DLC1: variants seen among roughly 807,000 people sequenced by gnomAD.
DLC1 encodes the protein DLC1 Rho GTPase activating protein.
A neutral mutation model predicts 140.3 loss-of-function variants in DLC1; 54 were observed. That is an observed-to-expected ratio of 0.38 (90% CI 0.31 to 0.48). DLC1 has a LOEUF of 0.48. Among genes scored for constraint, DLC1 ranks in the 20% least tolerant of loss-of-function variants. The probability of loss-of-function intolerance (pLI) is 0.96; values close to 1 mark genes in which losing one functional copy is unlikely to be tolerated. For missense variants in DLC1, 2,536 were observed against 1,907.0 expected (o/e 1.33, Z -6.14); for synonymous variants, 986 against 728.1 (o/e 1.35, Z -5.70).
At chr8:13,337,920 TA>T (rs1833875605) in intron 4 of DLC1, among the ~76,000 whole-genome samples, 1 of 152,206 alleles carries the variant, frequency 6.6e-6, no homozygotes, top group Admixed American at 6.5e-5. Flanking sequence ...AGGAATTGTA[TA>T]TGCAATTTAT....
At chr8:13,164,923 T>G (rs370299552) in intron 5 of DLC1, among the ~76,000 whole-genome samples, 2 of 152,218 alleles carry the variant, frequency 1.3e-5, no homozygotes, top group African/African-American at 4.8e-5. Flanking sequence ...TTTTCCATTT[T>G]CTGGAGGCTT....
intron 1 of DLC1, among the ~76,000 whole-genome samples, chr8:13,591,653 G>A (rs1362915231): frequency 2.6e-5 from 4 of 151,916 alleles, no homozygotes; most frequent in African/African-American, 4.8e-5. Flanking sequence ...TTTAATCTAG[G>A]CAAACAATGA....
At chr8:13,463,996 A>C (rs1041820187) in intron 2 of DLC1, among the ~76,000 whole-genome samples, 4 of 152,220 alleles carry the variant, frequency 2.6e-5, no homozygotes, top group Non-Finnish European at 4.4e-5. Context: ...AAATTTGAGC[A>C]CAGTGAAAAG....
intron 4 of DLC1, among the ~76,000 whole-genome samples, chr8:13,327,664 T>C (rs1671386): frequency 0.84 from 128,237 of 151,794 alleles, 54,782 homozygotes; most frequent in East Asian, 0.95. Context: ...TATCCATCCA[T>C]CCACTTGACA....
At chr8:13,337,532 G>T (rs1166108326) in intron 4 of DLC1, among the ~76,000 whole-genome samples, 1 of 152,114 alleles carries the variant, frequency 6.6e-6, no homozygotes, top group Non-Finnish European at 1.5e-5. Flanking sequence ...ATTGTAAATA[G>T]ATGGAAAAAT....
intron 5 of DLC1, among the ~76,000 whole-genome samples, chr8:13,139,604 G>GCAT (rs1169341991): frequency 6.6e-6 from 1 of 152,188 alleles, no homozygotes; most frequent in Non-Finnish European, 1.5e-5. Context: ...AAATCAACCA[G>GCAT]CATGCTTTCC....
At chr8:13,316,870 C>T (rs1403293648) in intron 4 of DLC1, among the ~76,000 whole-genome samples, 1 of 152,140 alleles carries the variant, frequency 6.6e-6, no homozygotes, top group Non-Finnish European at 1.5e-5. Context: ...TATAACTAAT[C>T]CCTTCTCAAA....
At chr8:13,565,143 G>T (rs1244309692) in intron 1 of DLC1, among the ~76,000 whole-genome samples, 1 of 152,180 alleles carries the variant, frequency 6.6e-6, no homozygotes, top group Admixed American at 6.5e-5. Context: ...TGTCCACTGG[G>T]TCACGCTGAA....
At chr8:13,394,116 AAG>A (rs1420331252) in intron 3 of DLC1, among the ~76,000 whole-genome samples, 4 of 152,304 alleles carry the variant, frequency 2.6e-5, no homozygotes, top group South Asian at 2.1e-4. Flanking sequence ...TTCAAATACA[AAG>A]AGAGTTCTCA....
intron 2 of DLC1, among the ~76,000 whole-genome samples, chr8:13,487,876 A>G (rs983752054): frequency 3.9e-5 from 6 of 152,112 alleles, no homozygotes. Flanking sequence ...AGGCCTGAAA[A>G]TCTCTTGTTT....
chr8:13,114,589 A>G (rs1820386248), intron 6 of DLC1, among the ~76,000 whole-genome samples: 1 of 152,178 alleles, frequency 6.6e-6, no homozygotes, highest in South Asian at 2.1e-4. Flanking sequence ...AATATTCATT[A>G]AAAGACAACC....
intron 4 of DLC1, among the ~76,000 whole-genome samples, chr8:13,382,879 C>T (rs530083632): frequency 4.6e-5 from 7 of 152,100 alleles, no homozygotes; most frequent in Non-Finnish European, 1.0e-4. Context: ...CAATAGATGT[C>T]TGAGGTAGAG....
intron 3 of DLC1, among the ~76,000 whole-genome samples, chr8:13,396,573 G>C (rs1483378212): frequency 6.6e-6 from 1 of 152,090 alleles, no homozygotes; most frequent in Non-Finnish European, 1.5e-5. Flanking sequence ...AGAGATGGTG[G>C]GTGAAGCCAA....
intron 7 of DLC1, among the ~76,000 whole-genome samples, chr8:13,105,831 G>A (rs368727036): frequency 5.9e-5 from 9 of 152,206 alleles, no homozygotes; most frequent in Admixed American, 1.3e-4. Flanking sequence ...GCTCATCTCG[G>A]CCTCCCAAAG....
chr8:13,454,376 T>C (rs1376612538), intron 2 of DLC1, among the ~76,000 whole-genome samples: 2 of 152,182 alleles, frequency 1.3e-5, no homozygotes, highest in Non-Finnish European at 2.9e-5. Context: ...CTATAATTCA[T>C]ATATAAAACA....
intron 4 of DLC1, among the ~76,000 whole-genome samples, chr8:13,382,953 A>C (rs915740708): frequency 7.9e-5 from 12 of 152,200 alleles, no homozygotes; most frequent in Admixed American, 2.6e-4. Context: ...CCCTAATAAG[A>C]TACATAAGAA....
rs185103594 is a variant in DLC1 at position 13,323,625 on chromosome 8, C to G, written c.1315-18323G>C. ...TATACAGAATAATAAAAATTGATTT[C>G]TAACATTAAGGAACTTAGATTTTAC... is the stretch of plus-strand genomic sequence containing the variant. On this transcript the variant is annotated intron_variant, in intron 4 of 17. Transcript: ENST00000276297. Among the ~76,000 whole-genome samples, 1,040 of 152,198 alleles carry G rather than the reference C, an allele frequency of 6.8e-3. 5 individuals carry two copies. The highest frequency in any genetic ancestry group is 0.012 in the Non-Finnish European group (807 of 67,998).
At chr8:13,455,474 C>G (rs1799340189) in intron 2 of DLC1, among the ~76,000 whole-genome samples, 1 of 152,110 alleles carries the variant, frequency 6.6e-6, no homozygotes, top group African/African-American at 2.4e-5. Context: ...TCCCTCTGCT[C>G]CAGACACACC....
At chr8:13,245,830 A>C (rs192869260) in intron 5 of DLC1, among the ~76,000 whole-genome samples, 6 of 152,054 alleles carry the variant, frequency 3.9e-5, no homozygotes, top group Admixed American at 2.6e-4. Context: ...CCTCCCATGT[A>C]GCTGGGATTA....
Sources: gnomAD v4.1 joint callset for allele counts (sites outside exome capture counted in the v4.1 genomes callset) on GRCh38, gnomAD v4.1.1 for gene constraint, MANE v1.5 for transcripts, NCBI Gene and HGNC (gene_info 2026-07-23, HGNC 2026-07-21) for gene names.